Variants in SSH2 observed in about 807,000 individuals in gnomAD.
The protein encoded by SSH2 is slingshot protein phosphatase 2.
In SSH2, 37 loss-of-function variants were observed where a neutral mutation model predicts 135.2. That is an observed-to-expected ratio of 0.27 (90% CI 0.21 to 0.36). The LOEUF is 0.36. SSH2 is among the 10% of genes least tolerant of loss of function. SSH2 has a pLI of 1.00. For missense variants in SSH2, 1,408 were observed against 1,765.3 expected (o/e 0.80, Z 3.63); for synonymous variants, 628 against 646.2 (o/e 0.97, Z 0.43).
chr17:29,902,054 TGGG>T (rs2066567550), intron 1 of SSH2, among the ~76,000 whole-genome samples: 1 of 152,122 alleles, frequency 6.6e-6, no homozygotes, highest in Non-Finnish European at 1.5e-5. Context: ...TCCAAAGTGT[TGGG>T]ATTACAGGCA....
At chr17:29,902,327 AC>A (rs2066572685) in intron 1 of SSH2, among the ~76,000 whole-genome samples, 1 of 152,152 alleles carries the variant, frequency 6.6e-6, no homozygotes. Context: ...TAAAATAGCA[AC>A]CCCATGAATG....
intron 3 of SSH2, among the ~76,000 whole-genome samples, chr17:29,760,050 T>C (rs80172565): frequency 0.013 from 1,956 of 152,200 alleles, 38 homozygotes; most frequent in African/African-American, 0.045. Flanking sequence ...AGCTCCACCA[T>C]GAATCAACAC....
intron 3 of SSH2, among the ~76,000 whole-genome samples, chr17:29,734,848 CCTT>C (rs1478535101): frequency 1.3e-5 from 2 of 152,132 alleles, no homozygotes; most frequent in Admixed American, 6.6e-5. Context: ...GCTGCATAAT[CCTT>C]CTCAATAGAG....
intron 1 of SSH2, among the ~76,000 whole-genome samples, chr17:29,916,078 A>C (rs1333732178): frequency 1.3e-5 from 2 of 150,996 alleles, no homozygotes; most frequent in African/African-American, 4.9e-5. Flanking sequence ...ATAAAGAGAA[A>C]TTAAACTCTG....
At chr17:29,753,427 G>A (rs747775819) in intron 3 of SSH2, among the ~76,000 whole-genome samples, 27 of 151,630 alleles carry the variant, frequency 1.8e-4, no homozygotes, top group Admixed American at 3.9e-4. Context: ...CACTGCGCCC[G>A]GCTTATCTGC....
intron 14 of SSH2, chr17:29,642,977 G>T: frequency 3.1e-6 from 1 of 324,440 alleles, no homozygotes; most frequent in Non-Finnish European, 4.4e-6. Flanking sequence ...CTGCCTCTTT[G>T]AGAAAACCAC....
chr17:29,691,012 T>C (rs2038450525), intron 5 of SSH2, among the ~76,000 whole-genome samples: 1 of 151,974 alleles, frequency 6.6e-6, no homozygotes, highest in Admixed American at 6.6e-5. Flanking sequence ...AGGATACTTA[T>C]CCAAATTGCT....
intron 4 of SSH2, among the ~76,000 whole-genome samples, chr17:29,698,458 A>C (rs538648387): frequency 3.9e-5 from 6 of 152,292 alleles, no homozygotes; most frequent in African/African-American, 1.4e-4. Context: ...TACAAGTTGC[A>C]ACTGAGTTAA....
intron 3 of SSH2, among the ~76,000 whole-genome samples, chr17:29,715,996 C>T (rs2039608751): frequency 6.6e-6 from 1 of 152,190 alleles, no homozygotes; most frequent in African/African-American, 2.4e-5. Flanking sequence ...GTTAACTTGG[C>T]CTTCTATACT....
intron 11 of SSH2, among the ~76,000 whole-genome samples, chr17:29,657,574 G>GTTTTTGT (rs2036838069): frequency 1.2e-5 from 1 of 80,078 alleles, no homozygotes; most frequent in Non-Finnish European, 2.2e-5. Context: ...CGGCTACTTT[G>GTTTTTGT]TTTTTTTTTT....
At chr17:29,927,112 C>T (rs1271594951) in intron 1 of SSH2, among the ~76,000 whole-genome samples, 6 of 152,104 alleles carry the variant, frequency 3.9e-5, no homozygotes, top group South Asian at 2.1e-4. Context: ...TCATGTAAAG[C>T]GCTTAACATG....
At chr17:29,850,523 A>G (rs926156488) in intron 1 of SSH2, among the ~76,000 whole-genome samples, 6 of 152,240 alleles carry the variant, frequency 3.9e-5, no homozygotes, top group Non-Finnish European at 7.3e-5. Flanking sequence ...AGTAAAGCTC[A>G]GAGTTACTCT....
chr17:29,783,789 G>A (rs886521089), intron 3 of SSH2, among the ~76,000 whole-genome samples: 3 of 152,166 alleles, frequency 2.0e-5, no homozygotes, highest in South Asian at 2.1e-4. Flanking sequence ...TGGGGGGGCC[G>A]GGCGCGGTGG....
At chr17:29,926,845 T>C (rs1278901372) in intron 1 of SSH2, among the ~76,000 whole-genome samples, 2 of 152,212 alleles carry the variant, frequency 1.3e-5, no homozygotes, top group Admixed American at 1.3e-4. Context: ...ACAGCTTGTC[T>C]CTTGGCCTAT....
chr17:29,924,531 C>T (rs943020127), intron 1 of SSH2, among the ~76,000 whole-genome samples: 13 of 152,030 alleles, frequency 8.6e-5, no homozygotes, highest in African/African-American at 2.4e-4. Flanking sequence ...TCATTAGGAA[C>T]GTATAATAGT....
chr17:29,924,738 G>A (rs963822054), intron 1 of SSH2, among the ~76,000 whole-genome samples: 1 of 151,698 alleles, frequency 6.6e-6, no homozygotes, highest in Non-Finnish European at 1.5e-5. Flanking sequence ...CCATTATTAT[G>A]TTGCTTTTGG....
intron 3 of SSH2, among the ~76,000 whole-genome samples, chr17:29,748,525 A>G (rs755745934): frequency 2.0e-5 from 3 of 151,194 alleles, no homozygotes; most frequent in Non-Finnish European, 4.4e-5. Flanking sequence ...CCAAAAAGAG[A>G]AAAAAAAAGC....
At chr17:29,728,671 A>C (rs1316642868) in intron 3 of SSH2, among the ~76,000 whole-genome samples, 3 of 152,204 alleles carry the variant, frequency 2.0e-5, no homozygotes, top group African/African-American at 4.8e-5. Flanking sequence ...ATAGTAACCA[A>C]AACAGCATGG....
chr17:29,853,373 CCG>C (rs1462312018), intron 1 of SSH2, among the ~76,000 whole-genome samples: 1 of 151,788 alleles, frequency 6.6e-6, no homozygotes, highest in African/African-American at 2.4e-5. Context: ...GCATGAGCCA[CCG>C]CGCGCGGCCT....
Sources: allele counts gnomAD v4.1 joint callset (sites outside exome capture counted in the v4.1 genomes callset), GRCh38; gene constraint gnomAD v4.1.1; transcripts MANE v1.5; gene names NCBI Gene and HGNC (gene_info 2026-07-23, HGNC 2026-07-21).